The following ADAMTS13 variants were observed in gnomAD, a reference collection of about 807,000 sequenced individuals.
The protein encoded by ADAMTS13 is ADAM metallopeptidase with thrombospondin type 1 motif 13.
Under a neutral mutation model 155.1 loss-of-function variants are expected in ADAMTS13, and 110 were observed. The observed-to-expected ratio is 0.71, with a 90% CI of 0.61 to 0.83. The LOEUF is 0.83. Ranked by LOEUF, ADAMTS13 falls within the 40% of genes least tolerant of loss-of-function variation. ADAMTS13 has a pLI of 0.00. For missense variants in ADAMTS13, 1,707 were observed against 1,891.7 expected, an observed-to-expected ratio of 0.90 and a Z score of 1.81; for synonymous variants, 758 against 756.4, an observed-to-expected ratio of 1.00 and a Z score of -0.03.
At chr9:133,434,684 A>G (rs969353196) in intron 11 of ADAMTS13, among the ~76,000 whole-genome samples, 1 of 152,216 alleles carries the variant, frequency 6.6e-6, no homozygotes, top group Non-Finnish European at 1.5e-5. Flanking sequence ...AGTGGCCTTT[A>G]GTACACTCAC....
rs974394392 is a variant in ADAMTS13, at chr9:133,424,617, C to T, written c.330+139C>T. On this transcript the variant is annotated intron_variant, in intron 3 of 28. Transcript: ENST00000355699. The surrounding 1 kb of genome is among the most constrained non-coding windows in gnomAD (Gnocchi z 4.3). ...GCTCGGGGTTCTTCCTCTTCTCCCTCCCTCCCCTGGGTGGAGGTGGGTGAG... is the reference window on the plus strand; with the variant it reads ...GCTCGGGGTTCTTCCTCTTCTCCCTTCCTCCCCTGGGTGGAGGTGGGTGAG... 3.8e-6 allele frequency: 5 copies of T among 1,323,636 alleles called. No individual in the cohort carries two copies. The African/African-American group carries it at 5.8e-5, about 15-fold the overall frequency. The allele number at this position is 1,323,636 out of a possible 1,614,324, so 82.0% of individuals were successfully genotyped here. A position where few individuals can be genotyped will look rare whatever the true frequency, so the allele number is the denominator to read the frequency against.
chr9:133,433,735 A>G (rs1840963979), intron 11 of ADAMTS13, 31 bp downstream of exon 11: 3 of 1,609,726 alleles, frequency 1.9e-6, no homozygotes, highest in Non-Finnish European at 2.5e-6. Context: ...AGGAGGGGGC[A>G]GCTGGTGGCA....
At chr9:133,450,340 G>T (rs1226328851) in intron 23 of ADAMTS13, among the ~76,000 whole-genome samples, 3 of 151,848 alleles carry the variant, frequency 2.0e-5, no homozygotes, top group Non-Finnish European at 4.4e-5. Flanking sequence ...AGGCTGAGGC[G>T]GGCAGATCAC....
At position 133,448,022 on chromosome 9, in the gene ADAMTS13, G is replaced by T. The variant is rs925056547; in HGVS notation, c.2732-577G>T. ...TTTTTTTTTTTTGAGATGGAGTCTC[G>T]CTCTGTCACCCAGGCTGGAGTCCAG... On this transcript the variant is annotated intron_variant, in intron 21 of 28. Transcript: ENST00000355699. Among the ~76,000 whole-genome samples the T allele has an allele frequency of 3.5e-5, 5 of 141,418 alleles. No individual in the cohort carries two copies. The South Asian group carries it at 6.7e-4, about 19-fold the overall frequency. The allele number at this position is 141,418 out of a possible 152,430, so 92.8% of individuals were successfully genotyped here.
At chr9:133,422,755 G>A (rs1045012804) in intron 1 of ADAMTS13, among the ~76,000 whole-genome samples, 18 of 152,034 alleles carry the variant, frequency 1.2e-4, no homozygotes, top group Non-Finnish European at 1.6e-4. Flanking sequence ...CTCATTCGGT[G>A]AAGCTGAACA....
Position 133,454,450 on chromosome 9 carries a change from G to A in ADAMTS13, c.3080G>A (p.Ser1027Asn), listed in dbSNP as rs1554795097. The A allele has an allele frequency of 1.2e-6, 2 of 1,613,772 alleles. No individual in the cohort carries two copies. The highest frequency in any genetic ancestry group is 1.7e-5 in the Admixed American group (1 of 60,036). The change falls in exon 24 of 29, where the codon AGC (serine) becomes AAC (asparagine). Residue 1027 changes from serine to asparagine, a missense_variant. Physicochemically the swap from Ser to Asn is conservative, Grantham distance 46 (BLOSUM62 1). Transcript: ENST00000355699. ...ATGTCCCTTGGCCCATGTTCGGCCA[G>A]CTGTGGCCTTGGCACTGCTAGACGC... is the stretch of plus-strand genomic sequence containing the variant. ...KVMSLGPCSA[S>N]CGLGTARRSV...
rs982977975 is a variant in ADAMTS13 at position 133,456,459 on chromosome 9, A to G, written c.3548-84A>G. The G allele has an allele frequency of 3.2e-6, 5 of 1,539,882 alleles. No homozygotes were observed. Among genetic ancestry groups the G allele is most frequent in the Admixed American group, 1.9e-5 (1 of 53,210 alleles). The stretch of plus-strand genomic sequence containing the variant: ...CCAGCAGTGGGAGAGGTGGGACTTG[A>G]ACTCGGCTCAGTCTACCCTGGAGCC... On this transcript the variant is annotated intron_variant, in intron 26 of 28. Coordinates refer to ENST00000355699, the MANE Select transcript of ADAMTS13 (RefSeq NM_139027.6). This position sits in a 1 kb window ranked among gnomAD's most constrained non-coding sequence, Gnocchi z 4.4.
intron 11 of ADAMTS13, among the ~76,000 whole-genome samples, chr9:133,435,687 G>A (rs1031769363): frequency 2.1e-5 from 3 of 142,070 alleles, no homozygotes; most frequent in Non-Finnish European, 3.2e-5. Flanking sequence ...CCGCCACCAC[G>A]CCCGGCTAAT....
intron 23 of ADAMTS13, among the ~76,000 whole-genome samples, chr9:133,451,382 C>A (rs1395336447): frequency 6.6e-6 from 1 of 152,160 alleles, no homozygotes; most frequent in Non-Finnish European, 1.5e-5. Flanking sequence ...CTCAGCCTCC[C>A]AAGTAGCTGG....
At position 133,459,084 on chromosome 9, in the gene ADAMTS13, G is replaced by T. The variant is rs782518928; in HGVS notation, c.4020G>T (p.Lys1340Asn). The T allele has an allele frequency of 1.5e-4, 235 of 1,612,876 alleles. No homozygotes were observed. The highest frequency in any genetic ancestry group is 1.9e-4 in the Non-Finnish European group (226 of 1,179,950). The change falls in exon 29 of 29, where the codon AAG becomes AAT. Residue 1340 changes from lysine (K) to asparagine (N), a missense_variant. Coordinates refer to ENST00000355699, the MANE Select transcript of ADAMTS13 (RefSeq NM_139027.6). ...TGGAGTTCAGCGAGGGCTTCCTGAA[G>T]GCTCAGGCCAGCCTGCGGGGCCAGT... ...AEMEFSEGFL[K>N]AQASLRGQYW...
chr9:133,454,770 G>A, intron 24 of ADAMTS13, 151 bp downstream of exon 24: 1 of 1,040,850 alleles, frequency 9.6e-7, no homozygotes, highest in Non-Finnish European at 1.4e-6. Flanking sequence ...GGCACCTAGA[G>A]GCAGAGAGAC....
chr9:133,417,904 G>A (rs1323909043), upstream of ADAMTS13: 16 of 1,508,134 alleles, frequency 1.1e-5, no homozygotes, highest in Admixed American at 2.0e-5. Context: ...CCCCGGGCCC[G>A]GCGCCCTGGC....
At chr9:133,442,062 G>C (rs1841708852) in intron 16 of ADAMTS13, among the ~76,000 whole-genome samples, 1 of 152,166 alleles carries the variant, frequency 6.6e-6, no homozygotes, top group Non-Finnish European at 1.5e-5. Context: ...CCTGTGCACT[G>C]TGCTATCCCC....
chr9:133,455,841 C>G, intron 25 of ADAMTS13: 1 of 760,368 alleles, frequency 1.3e-6, no homozygotes, highest in Non-Finnish European at 2.2e-6. Context: ...CTGGGCTGCT[C>G]TGCATGTGCC....
At chr9:133,421,767 G>T (rs1242951809), upstream of ADAMTS13, among the ~76,000 whole-genome samples, 3 of 152,190 alleles carry the variant, frequency 2.0e-5, no homozygotes, top group Non-Finnish European at 4.4e-5. Flanking sequence ...CAGAGGAGGA[G>T]AGAGGCTGCA....
Position 133,440,368 on chromosome 9 carries a change from T to C in ADAMTS13, c.1811T>C (p.Val604Ala). The change falls in exon 16 of 29, where the codon GTC becomes GCC. Residue 604 changes from valine to alanine, a missense_variant. This residue lies in a region of ADAMTS13 where 961 missense variants were observed against 1,107.9 expected (regional missense o/e 0.87). Coordinates refer to ENST00000355699, the MANE Select transcript of ADAMTS13 (RefSeq NM_139027.6). This position sits in a 1 kb window ranked among gnomAD's most constrained non-coding sequence, Gnocchi z 4.3. ...HLAVRIGGRY[V>A]VAGKMSISPN... ...GCGGTGAGGATCGGAGGGCGCTATG[T>C]CGTGGCTGGGAAGATGAGCATCTCC... The C allele has an allele frequency of 1.2e-6, 2 of 1,614,026 alleles. No individual in the cohort carries two copies. The highest frequency in any genetic ancestry group is 1.7e-6 in the Non-Finnish European group (2 of 1,180,024).
At chr9:133,452,069 G>C (rs1842466827) in intron 23 of ADAMTS13, among the ~76,000 whole-genome samples, 1 of 151,078 alleles carries the variant, frequency 6.6e-6, no homozygotes, top group Non-Finnish European at 1.5e-5. Context: ...TGGTGGTATT[G>C]GTGTGTGTTA....
In ADAMTS13 at chr9:133,459,164, GA is replaced by G; in HGVS notation, c.4103del (p.Lys1368ArgfsTer8). 1 of 1,610,980 alleles carries G rather than the reference GA, an allele frequency of 6.2e-7. No individual in the cohort carries two copies. Among genetic ancestry groups the G allele is most frequent in the Non-Finnish European group, 8.5e-7 (1 of 1,178,978 alleles). ...ATGCAGGACCCTCAGTCCTGGAAGG[GA>G]AAGGAAGGAACCTGAGGGTCATTGA... is the stretch of plus-strand genomic sequence containing the variant. The part of the protein sequence containing the change: ...PEMQDPQSWK[G>X]KEGT On this transcript the variant is annotated frameshift_variant, in exon 29 of 29. Coordinates refer to ENST00000355699, the MANE Select transcript of ADAMTS13 (RefSeq NM_139027.6). LOFTEE classifies it high-confidence loss of function.
At position 133,440,410 on chromosome 9, in the gene ADAMTS13, C is replaced by T. The variant is rs1195110686; in HGVS notation, c.1853C>T (p.Pro618Leu). Residue 618 changes from proline to leucine, a missense_variant, in exon 16 of 29, where the codon CCC (proline) becomes CTC (leucine). Pro to Leu is a moderately conservative substitution (Grantham distance 98). Around this residue, in one of 3 missense-constraint regions of ADAMTS13, gnomAD observed 961 missense variants for 1,107.9 expected, o/e 0.87. Transcript: ENST00000355699. This position sits in a 1 kb window ranked among gnomAD's most constrained non-coding sequence, Gnocchi z 4.3. ...KMSISPNTTYPSLLEDGRVEY... is the reference protein window; with the variant it reads ...KMSISPNTTYLSLLEDGRVEY... Reference sequence around the variant, plus strand: ...AGCATCTCCCCTAACACCACCTACCCCTCCCTCCTGGAGGATGGTCGTGTC... The same window carrying T: ...AGCATCTCCCCTAACACCACCTACCTCTCCCTCCTGGAGGATGGTCGTGTC... 2 of 1,613,922 alleles carry T rather than the reference C, an allele frequency of 1.2e-6. No individual in the cohort carries two copies. The highest frequency in any genetic ancestry group is 1.1e-5 in the South Asian group (1 of 91,086).
Sources: allele counts gnomAD v4.1 joint callset (sites outside exome capture counted in the v4.1 genomes callset), GRCh38; gene constraint gnomAD v4.1.1; regional missense constraint gnomAD v4.1.1; non-coding constraint Gnocchi (gnomAD v3.1); transcripts MANE v1.5; gene names NCBI Gene and HGNC (gene_info 2026-07-23, HGNC 2026-07-21).